HTATSF1: variants seen among roughly 807,000 people sequenced by gnomAD.
HTATSF1 encodes the protein HIV-1 Tat specific factor 1.
In HTATSF1, 6 loss-of-function variants were observed where a neutral mutation model predicts 46.1. The observed-to-expected ratio is 0.13, with a 90% CI of 0.07 to 0.26. HTATSF1 has a LOEUF of 0.26. Ranked by LOEUF, HTATSF1 falls within the 10% of genes least tolerant of loss-of-function variation. The pLI is 1.00. For missense variants in HTATSF1, 452 were observed against 559.9 expected (o/e 0.81, Z 1.94); for synonymous variants, 226 against 211.5 (o/e 1.07, Z -0.60).
intron 4 of HTATSF1, among the ~76,000 whole-genome samples, chrX:136,501,912 G>A (rs1234992429): frequency 2.7e-5 from 3 of 111,698 alleles, no homozygotes; most frequent in East Asian, 5.5e-4. Context: ...TTCTTAGGGA[G>A]TTCTGTTAGA....
Position 136,497,648 on chromosome X carries a change from GTTC to G in HTATSF1, c.-32_-30del. ...GCTCCAGCGTCATTTCGGCCTCTTA[GTTC>G]TTCTGAACCCTGCTCCTGAGCTAGG... On this transcript the variant is annotated 5_prime_UTR_variant, in exon 1 of 9. Coordinates refer to ENST00000218364, the MANE Select transcript of HTATSF1 (RefSeq NM_014500.5). 8.9e-7 allele frequency: 1 copy of G among 1,127,105 alleles called. No individual in the cohort carries two copies. Among genetic ancestry groups the G allele is most frequent in the Non-Finnish European group, 1.2e-6 (1 of 837,853 alleles). 92.9% of individuals were successfully genotyped at this position (1,127,105 alleles called of 1,213,427 possible).
rs373635003 is a variant in HTATSF1 at position 136,500,111 on chromosome X, T to C, written c.368-47T>C. ...TCAAGATTCCATAATATGACTCTTA[T>C]CTTTTTTTGCAAGTGTTTTATTTAT... On this transcript the variant is annotated intron_variant, in intron 2 of 8. Coordinates refer to ENST00000218364, the MANE Select transcript of HTATSF1 (RefSeq NM_014500.5). 45 of 837,775 alleles carry C rather than the reference T, an allele frequency of 5.4e-5. No homozygotes were observed. The East Asian group carries it at 1.2e-3, about 22-fold the overall frequency. The allele number at this position is 837,775 out of a possible 1,213,427, so 69.0% of individuals were successfully genotyped here.
At chrX:136,505,484 A>G (rs2075737834) in intron 6 of HTATSF1, among the ~76,000 whole-genome samples, 1 of 112,305 alleles carries the variant, frequency 8.9e-6, no homozygotes, top group Non-Finnish European at 1.9e-5. Context: ...ATCTCTTCTG[A>G]CTAGAAATCT....
At chrX:136,497,506 G>A (rs2075696599), upstream of HTATSF1, 1 of 274,755 alleles carries the variant, frequency 3.6e-6, no homozygotes. Context: ...AGAGAGGGGG[G>A]CGGTGCAGCC....
In HTATSF1 at chrX:136,510,370, C is replaced by T. The variant is rs2075761761; in HGVS notation, c.1062+151C>T. On this transcript the variant is annotated intron_variant, in intron 8 of 8. Coordinates refer to ENST00000218364, the MANE Select transcript of HTATSF1 (RefSeq NM_014500.5). ...TACTTATATATTTTAATTTTTTACT[C>T]TTCCTCTTAATTATTTACAGTGCTG... is the stretch of plus-strand genomic sequence containing the variant. 1.1e-5 allele frequency: 4 copies of T among 358,827 alleles called. No homozygotes were observed. In the South Asian group the frequency reaches 4.2e-4, roughly 38 times the overall value. 29.6% of individuals were successfully genotyped at this position (358,827 alleles called of 1,213,427 possible).
chrX:136,505,855 G>A (rs918459998), intron 6 of HTATSF1, among the ~76,000 whole-genome samples: 1 of 112,034 alleles, frequency 8.9e-6, no homozygotes, highest in Non-Finnish European at 1.9e-5. Context: ...TAAAATAAAT[G>A]CACAGATTGA....
In HTATSF1 at chrX:136,511,378, G is replaced by A. The variant is rs1442967674; in HGVS notation, c.1633G>A (p.Glu545Lys). 8.3e-7 allele frequency: 1 copy of A among 1,210,351 alleles called. No homozygotes were observed. The highest frequency in any genetic ancestry group is 2.2e-5 in the Admixed American group (1 of 45,753). The change falls in exon 9 of 9, where the codon GAG becomes AAG. Residue 545 changes from glutamate to lysine, a missense_variant. This residue lies in a region of HTATSF1 where 246 missense variants were observed against 245.3 expected (regional missense o/e 1.00). Coordinates refer to ENST00000218364, the MANE Select transcript of HTATSF1 (RefSeq NM_014500.5). ...PTKESEEDDS[E>K]KESDEDCSEK... is the part of the protein sequence containing the mutation. ...AAAAGAGTCCGAAGAAGATGACTCAGAGAAAGAGTCTGATGAAGACTGCTC... is the reference window on the plus strand; with the variant it reads ...AAAAGAGTCCGAAGAAGATGACTCAAAGAAAGAGTCTGATGAAGACTGCTC...
chrX:136,506,663 A>T (rs1488099359), intron 6 of HTATSF1, among the ~76,000 whole-genome samples: 1 of 112,850 alleles, frequency 8.9e-6, no homozygotes, highest in East Asian at 2.8e-4. Flanking sequence ...TCCACAAAGG[A>T]TGGTGGGACA....
chrX:136,500,431 C>A (rs1480393028), intron 3 of HTATSF1, among the ~76,000 whole-genome samples: 2 of 111,928 alleles, frequency 1.8e-5, no homozygotes, highest in African/African-American at 3.3e-5. Context: ...ATGTAACTTA[C>A]AGCAGTGTGT....
chrX:136,497,718 T>C lies in HTATSF1; in HGVS notation c.34T>C (p.Phe12Leu). The C allele has an allele frequency of 2.5e-6, 3 of 1,200,243 alleles. No homozygotes were observed. Among genetic ancestry groups the C allele is most frequent in the Non-Finnish European group, 2.3e-6 (2 of 887,559 alleles). Residue 12 changes from phenylalanine to leucine, a missense_variant, in exon 1 of 9, where the codon TTT becomes CTT. By Grantham distance (22) the Phe-to-Leu change is conservative (BLOSUM62 0). This residue lies in a region of HTATSF1 where 89 missense variants were observed against 92.3 expected (regional missense o/e 0.96). Coordinates refer to ENST00000218364, the MANE Select transcript of HTATSF1 (RefSeq NM_014500.5). ...SGTNLDGNDE[F>L]DEQLRMQELY... ...CACCAACTTGGATGGGAACGATGAG[T>C]TTGATGAGCAGTTGCGAATGCAAGA... is the stretch of plus-strand genomic sequence containing the variant.
Position 136,511,809 on chromosome X carries a change from A to C in HTATSF1, c.2064A>C (p.Glu688Asp). The part of the protein sequence containing the change: ...DKEDEDADGK[E>D]VEDADEKLFE... ...AAGATGAAGATGCAGATGGAAAGGA[A>C]GTTGAAGATGCTGACGAAAAGTTGT... Residue 688 changes from glutamate (E) to aspartate (D), a missense_variant, in exon 9 of 9, where the codon GAA becomes GAC. Coordinates refer to ENST00000218364, the MANE Select transcript of HTATSF1 (RefSeq NM_014500.5). The C allele has an allele frequency of 5.0e-6, 6 of 1,211,526 alleles. No homozygotes were observed. Among genetic ancestry groups the C allele is most frequent in the Non-Finnish European group, 6.7e-6 (6 of 895,291 alleles).
At chrX:136,497,523 C>A, upstream of HTATSF1, 2 of 324,186 alleles carry the variant, frequency 6.2e-6, no homozygotes, top group Non-Finnish European at 1.0e-5. Context: ...AGCCGCCGAG[C>A]GGCCGCGATT....
chrX:136,507,288 C>T (rs937842013), intron 6 of HTATSF1, among the ~76,000 whole-genome samples: 4 of 112,149 alleles, frequency 3.6e-5, no homozygotes, highest in African/African-American at 1.3e-4. Context: ...ACTGTCTGAT[C>T]TGAAGGCTAA....
At chrX:136,506,896 G>A (rs1317086767) in intron 6 of HTATSF1, among the ~76,000 whole-genome samples, 1 of 112,570 alleles carries the variant, frequency 8.9e-6, no homozygotes, top group Non-Finnish European at 1.9e-5. Context: ...GTGGTTAAAT[G>A]TAAGTTAATT....
At chrX:136,500,112 CT>C in intron 2 of HTATSF1, 45 bp from the exon 3 acceptor site, 1 of 847,942 alleles carries the variant, frequency 1.2e-6, no homozygotes, top group Admixed American at 2.3e-5. Context: ...TGACTCTTAT[CT>C]TTTTTTGCAA....
chrX:136,508,307 G>A (rs1243583432), intron 6 of HTATSF1, among the ~76,000 whole-genome samples: 1 of 112,176 alleles, frequency 8.9e-6, no homozygotes, highest in Non-Finnish European at 1.9e-5. Flanking sequence ...TGAAATTCAA[G>A]CTGATAATGT....
At chrX:136,499,011 A>G (rs940819361) in intron 1 of HTATSF1, among the ~76,000 whole-genome samples, 3 of 113,221 alleles carry the variant, frequency 2.6e-5, no homozygotes, top group Non-Finnish European at 5.6e-5. Flanking sequence ...TTGTTCTGAT[A>G]CTAAAATATA....
At chrX:136,498,998 AAT>A (rs1484417603) in intron 1 of HTATSF1, among the ~76,000 whole-genome samples, 1 of 113,061 alleles carries the variant, frequency 8.8e-6, no homozygotes, top group Non-Finnish European at 1.9e-5. Flanking sequence ...ATTTGTCTTT[AAT>A]TTGTTCTGAT....
chrX:136,498,493 T>G (rs1459244880), intron 1 of HTATSF1, among the ~76,000 whole-genome samples: 1 of 112,451 alleles, frequency 8.9e-6, no homozygotes, highest in Non-Finnish European at 1.9e-5. Flanking sequence ...AAATAACTAA[T>G]GTTAAACTTG....
Sources: allele counts gnomAD v4.1 joint callset (sites outside exome capture counted in the v4.1 genomes callset), GRCh38; gene constraint gnomAD v4.1.1; regional missense constraint gnomAD v4.1.1; transcripts MANE v1.5; gene names NCBI Gene and HGNC (gene_info 2026-07-23, HGNC 2026-07-21).